The following EFNA5 variants were observed in gnomAD, a reference collection of about 807,000 sequenced individuals.
The protein encoded by EFNA5 is ephrin A5, also known as ephrin-A5.
A neutral mutation model predicts 22.9 loss-of-function variants in EFNA5; 5 were observed. That is an observed-to-expected ratio of 0.22 (90% CI 0.11 to 0.46). EFNA5 has a LOEUF of 0.46. Among genes scored for constraint, EFNA5 ranks in the 20% least tolerant of loss-of-function variants. EFNA5 has a pLI of 0.99. For synonymous variants in EFNA5, 113 were observed against 112.2 expected (o/e 1.01, Z -0.04); for missense variants, 237 against 293.3 (o/e 0.81, Z 1.40).
intron 1 of EFNA5, among the ~76,000 whole-genome samples, chr5:107,575,262 T>C (rs57235588): frequency 0.015 from 2,327 of 152,284 alleles, 55 homozygotes; most frequent in African/African-American, 0.054. Context: ...AAAAATATCA[T>C]ATTTTGTAAA....
intron 1 of EFNA5, among the ~76,000 whole-genome samples, chr5:107,611,366 CCT>C (rs985912994): frequency 6.6e-6 from 1 of 152,132 alleles, no homozygotes; most frequent in Admixed American, 6.5e-5. Context: ...TCAGCATACA[CCT>C]TTTTGCTATG....
intron 1 of EFNA5, among the ~76,000 whole-genome samples, chr5:107,507,315 C>G (rs954492909): frequency 6.6e-6 from 1 of 152,154 alleles, no homozygotes; most frequent in Non-Finnish European, 1.5e-5. Context: ...TGGTTGACTG[C>G]TTTGCCTCTG....
At chr5:107,592,777 T>C (rs1009032940) in intron 1 of EFNA5, among the ~76,000 whole-genome samples, 6 of 151,672 alleles carry the variant, frequency 4.0e-5, no homozygotes, top group African/African-American at 1.5e-4. Flanking sequence ...GACAGGGAGG[T>C]GAAGTGAAAT....
intron 1 of EFNA5, among the ~76,000 whole-genome samples, chr5:107,487,560 T>C (rs1746671032): frequency 6.6e-6 from 1 of 152,198 alleles, no homozygotes; most frequent in Non-Finnish European, 1.5e-5. Context: ...AGAGGTTTGT[T>C]GGATAGAAGT....
chr5:107,562,822 G>A (rs768852160), intron 1 of EFNA5, among the ~76,000 whole-genome samples: 19 of 152,306 alleles, frequency 1.2e-4, no homozygotes, highest in African/African-American at 4.1e-4. Flanking sequence ...ATATATTGGT[G>A]TATGAGCTTA....
intron 1 of EFNA5, among the ~76,000 whole-genome samples, chr5:107,483,231 G>A (rs892988856): frequency 1.3e-5 from 2 of 152,016 alleles, no homozygotes; most frequent in African/African-American, 4.8e-5. Context: ...CCTGGGGAGA[G>A]GGGATATAAA....
In EFNA5 at chr5:107,575,449, G is replaced by A. The variant is rs78276585; in HGVS notation, c.125+95040C>T. Among the ~76,000 whole-genome samples, 520 of 152,188 alleles carry A rather than the reference G, an allele frequency of 3.4e-3. 4 individuals carry two copies. The highest frequency in any genetic ancestry group is 0.012 in the African/African-American group (508 of 41,530). ...GAAAAACCTTTTCTAGTAATCCTTT[G>A]AACCCACCAAGACTGCTTTTCATAC... On this transcript the variant is annotated intron_variant, in intron 1 of 4. Coordinates refer to ENST00000333274, the MANE Select transcript of EFNA5 (RefSeq NM_001962.3).
chr5:107,655,864 T>C (rs1305878128), intron 1 of EFNA5, among the ~76,000 whole-genome samples: 1 of 152,154 alleles, frequency 6.6e-6, no homozygotes, highest in Non-Finnish European at 1.5e-5. Flanking sequence ...CTACATGTTG[T>C]TATGATCTAT....
chr5:107,663,452 A>G (rs1036341269), intron 1 of EFNA5, among the ~76,000 whole-genome samples: 1 of 152,134 alleles, frequency 6.6e-6, no homozygotes, highest in African/African-American at 2.4e-5. Context: ...AGGCATATAC[A>G]TATTTGCTAA....
intron 1 of EFNA5, among the ~76,000 whole-genome samples, chr5:107,593,519 G>A (rs535232223): frequency 7.9e-5 from 12 of 152,260 alleles, no homozygotes; most frequent in South Asian, 2.1e-4. Flanking sequence ...TTCAAACCTC[G>A]AGAGCAGAGG....
At chr5:107,626,181 T>C (rs774329283) in intron 1 of EFNA5, among the ~76,000 whole-genome samples, 1 of 150,808 alleles carries the variant, frequency 6.6e-6, no homozygotes, top group Non-Finnish European at 1.5e-5. Context: ...TACAAATGGT[T>C]GTTAATAACT....
intron 1 of EFNA5, among the ~76,000 whole-genome samples, chr5:107,458,706 A>G (rs1749757806): frequency 6.6e-6 from 1 of 152,160 alleles, no homozygotes. Context: ...ATCGTAAGGG[A>G]AACTATGCAT....
At chr5:107,600,450 A>T (rs1749567028) in intron 1 of EFNA5, among the ~76,000 whole-genome samples, 1 of 152,134 alleles carries the variant, frequency 6.6e-6, no homozygotes, top group Admixed American at 6.5e-5. Flanking sequence ...GGCCAGCAAT[A>T]AACTGAAGGT....
chr5:107,545,732 T>C (rs899978023), intron 1 of EFNA5, among the ~76,000 whole-genome samples: 16 of 152,112 alleles, frequency 1.1e-4, no homozygotes, highest in Admixed American at 9.2e-4. Context: ...CAAGGGAGTT[T>C]TGTTGGCAAG....
chr5:107,625,530 T>C (rs1297523378), intron 1 of EFNA5, among the ~76,000 whole-genome samples: 1 of 152,174 alleles, frequency 6.6e-6, no homozygotes, highest in Non-Finnish European at 1.5e-5. Context: ...TCTAAAATTA[T>C]TACTCTAATT....
At chr5:107,644,993 G>A (rs1032256313) in intron 1 of EFNA5, among the ~76,000 whole-genome samples, 11 of 152,098 alleles carry the variant, frequency 7.2e-5, no homozygotes, top group Admixed American at 2.0e-4. Flanking sequence ...GAGCCACCAC[G>A]CCTGGCCTGT....
At chr5:107,519,032 C>A (rs184577595) in intron 1 of EFNA5, among the ~76,000 whole-genome samples, 12 of 152,304 alleles carry the variant, frequency 7.9e-5, no homozygotes, top group Non-Finnish European at 1.5e-4. Context: ...AAATCTATTT[C>A]TATAATATGT....
intron 2 of EFNA5, among the ~76,000 whole-genome samples, chr5:107,399,365 G>GAAAGGAAAGGAAAGGAAAGGAAAGA (rs1178223168): frequency 2.8e-5 from 4 of 144,454 alleles, no homozygotes; most frequent in Non-Finnish European, 6.2e-5. Context: ...GAAAGGAAAG[G>GAAAGGAAAGGAAAGGAAAGGAAAGA]AAGGAGGGAG....
chr5:107,670,030 T>TAAAAA (rs67814628), intron 1 of EFNA5, among the ~76,000 whole-genome samples: 2 of 116,682 alleles, frequency 1.7e-5, no homozygotes, highest in Non-Finnish European at 3.4e-5. Context: ...AAATTAAAAT[T>TAAAAA]AAAAAAAAAA....
Sources: gnomAD v4.1 joint callset for allele counts (sites outside exome capture counted in the v4.1 genomes callset) on GRCh38, gnomAD v4.1.1 for gene constraint, MANE v1.5 for transcripts, NCBI Gene and HGNC (gene_info 2026-07-23, HGNC 2026-07-21) for gene names.